The following SPIDR variants were observed in gnomAD, a reference collection of about 807,000 sequenced individuals.
The protein encoded by SPIDR is DNA repair-scaffolding protein.
In SPIDR, 93 loss-of-function variants were observed where a neutral mutation model predicts 104.6. The observed-to-expected ratio is 0.89, with a 90% CI of 0.75 to 1.06. The LOEUF (loss-of-function observed/expected upper bound fraction) is 1.06. Ranked by LOEUF, SPIDR falls within the 50% of genes least tolerant of loss-of-function variation. The probability of loss-of-function intolerance (pLI) is 0.00; values close to 1 mark genes in which losing one functional copy is unlikely to be tolerated. For missense variants in SPIDR, 1,154 were observed against 1,111.2 expected (o/e 1.04, Z -0.55); for synonymous variants, 431 against 416.9 (o/e 1.03, Z -0.41).
chr8:47,603,003 CACTAAAATCAAAGGTA>C (rs1236636209), intron 10 of SPIDR, among the ~76,000 whole-genome samples: 6 of 152,166 alleles, frequency 3.9e-5, no homozygotes, highest in Non-Finnish European at 8.8e-5. Flanking sequence ...TTTTATAAAT[CACTAAAATCAAAGGTA>C]ACAAAAAACT....
At chr8:47,642,201 A>G (rs1353062477) in intron 10 of SPIDR, among the ~76,000 whole-genome samples, 2 of 151,936 alleles carry the variant, frequency 1.3e-5, no homozygotes, top group African/African-American at 4.8e-5. Context: ...AGGCAGGCGG[A>G]TCACGAAGTA....
intron 5 of SPIDR, among the ~76,000 whole-genome samples, chr8:47,316,830 T>G (rs782109348): frequency 6.6e-6 from 1 of 152,214 alleles, no homozygotes; most frequent in African/African-American, 2.4e-5. Context: ...TTATTGTATA[T>G]AAAACCTACT....
chr8:47,360,930 C>T (rs782079634), intron 5 of SPIDR: 201 of 985,110 alleles, frequency 2.0e-4, no homozygotes, highest in Admixed American at 6.2e-4. Flanking sequence ...TTGATTCAAC[C>T]AGTACTTCTG....
At chr8:47,613,772 G>T (rs2063901132) in intron 10 of SPIDR, among the ~76,000 whole-genome samples, 1 of 151,960 alleles carries the variant, frequency 6.6e-6, no homozygotes, top group Non-Finnish European at 1.5e-5. Context: ...TTGTCCATTT[G>T]CATATCTACT....
At chr8:47,504,361 T>C (rs888673156) in intron 8 of SPIDR, among the ~76,000 whole-genome samples, 1 of 152,182 alleles carries the variant, frequency 6.6e-6, no homozygotes, top group African/African-American at 2.4e-5. Context: ...TCTAAACTTC[T>C]CTTCTCACTT....
At chr8:47,298,249 A>T (rs1226526727) in intron 5 of SPIDR, among the ~76,000 whole-genome samples, 1 of 152,196 alleles carries the variant, frequency 6.6e-6, no homozygotes, top group Non-Finnish European at 1.5e-5. Flanking sequence ...GGCGGTATAA[A>T]TGTCTTCTTT....
chr8:47,546,635 G>T lies in SPIDR; in HGVS notation c.1098-49176G>T, dbSNP rs540187956. On this transcript the variant is annotated intron_variant, in intron 8 of 19. Transcript: ENST00000297423. ...ATCTATTATTTCCTTTTCTCAGCTT[G>T]CTGTGGGTTTATTTTGCTCTTGTTT... 7.9e-5 allele frequency among the ~76,000 whole-genome samples: 12 copies of T among 152,092 alleles called. 1 individual carries two copies. The South Asian group carries it at 2.5e-3, about 32-fold the overall frequency.
chr8:47,461,707 G>T (rs1434534400), intron 8 of SPIDR, among the ~76,000 whole-genome samples: 1 of 151,760 alleles, frequency 6.6e-6, no homozygotes, highest in African/African-American at 2.4e-5. Flanking sequence ...TGCTTGTTCA[G>T]TTTTATTGCT....
At chr8:47,581,922 G>A (rs1760505182) in intron 8 of SPIDR, among the ~76,000 whole-genome samples, 1 of 151,840 alleles carries the variant, frequency 6.6e-6, no homozygotes, top group African/African-American at 2.4e-5. Context: ...TTATGATTTG[G>A]AATAAATACT....
intron 1 of SPIDR, among the ~76,000 whole-genome samples, chr8:47,262,234 C>G (rs2032620120): frequency 6.6e-6 from 1 of 152,174 alleles, no homozygotes; most frequent in African/African-American, 2.4e-5. Flanking sequence ...CCTCCAGGCC[C>G]TAACAGTTTC....
intron 10 of SPIDR, among the ~76,000 whole-genome samples, chr8:47,644,644 T>C (rs1451971408): frequency 2.6e-5 from 4 of 152,236 alleles, no homozygotes; most frequent in Non-Finnish European, 5.9e-5. Flanking sequence ...TATCTCCTTA[T>C]GTGATTGATA....
At chr8:47,579,423 T>C (rs1284542009) in intron 8 of SPIDR, among the ~76,000 whole-genome samples, 1 of 152,242 alleles carries the variant, frequency 6.6e-6, no homozygotes, top group Non-Finnish European at 1.5e-5. Context: ...TTTTTTGTGC[T>C]GTCCACTATG....
chr8:47,733,622 C>T (rs540407568), intron 19 of SPIDR, among the ~76,000 whole-genome samples: 28 of 152,136 alleles, frequency 1.8e-4, no homozygotes, highest in Middle Eastern at 6.8e-3. Context: ...CCTCCCCGTG[C>T]GGTGACCCTG....
chr8:47,331,989 C>CTTTTTTTTTTTTTTTTTTTTTTTTTTTT (rs1289524835), intron 5 of SPIDR, among the ~76,000 whole-genome samples: 4 of 36,324 alleles, frequency 1.1e-4, no homozygotes, highest in Admixed American at 3.8e-4. Context: ...TTTTTTTTCT[C>CTTTTTTTTTTTTTTTTTTTTTTTTTTTT]TTTTTTTTTT....
intron 8 of SPIDR, among the ~76,000 whole-genome samples, chr8:47,563,864 G>A (rs1284093374): frequency 1.3e-5 from 2 of 152,110 alleles, no homozygotes; most frequent in East Asian, 1.9e-4. Context: ...CTTGTTGGAA[G>A]TAAGAGAGAG....
chr8:47,470,044 A>G (rs1283138382), intron 8 of SPIDR, among the ~76,000 whole-genome samples: 1 of 152,232 alleles, frequency 6.6e-6, no homozygotes, highest in Admixed American at 6.5e-5. Context: ...ATTTTTGTAG[A>G]AAATCTATTC....
At chr8:47,670,990 C>A (rs1326600361) in intron 10 of SPIDR, among the ~76,000 whole-genome samples, 1 of 152,062 alleles carries the variant, frequency 6.6e-6, no homozygotes, top group Non-Finnish European at 1.5e-5. Flanking sequence ...CTCATTGCAA[C>A]CCTCAAACTC....
In SPIDR at chr8:47,440,238, A is replaced by G. The variant is rs551751448; in HGVS notation, c.878-85A>G. The G allele has an allele frequency of 6.5e-5, 80 of 1,227,030 alleles. No individual in the cohort carries two copies. In the African/African-American group the frequency reaches 8.9e-4, roughly 14 times the overall value. 76.0% of individuals were successfully genotyped at this position (1,227,030 alleles called of 1,614,324 possible). ...GGTGAAGAGTGCTATCTGCATGTGGATCTTTTTTTCATGACACTTTATTCA... is the reference window on the plus strand; with the variant it reads ...GGTGAAGAGTGCTATCTGCATGTGGGTCTTTTTTTCATGACACTTTATTCA... On this transcript the variant is annotated intron_variant, in intron 7 of 19. Transcript: ENST00000297423.
In SPIDR at chr8:47,393,001, CTCT is replaced by C. The variant is rs1346877251; in HGVS notation, c.526-3369_526-3367del. On this transcript the variant is annotated intron_variant, in intron 5 of 19. Transcript: ENST00000297423. ...TTTCCAAGGTTCCAATTTGGACCTTCTCTTCTTCCTTTCACATAATTTTCCATA... is the reference window on the plus strand; with the variant it reads ...TTTCCAAGGTTCCAATTTGGACCTTCTCTTCCTTTCACATAATTTTCCATA... 6.6e-4 allele frequency among the ~76,000 whole-genome samples: 101 copies of C among 152,256 alleles called. 1 individual carries two copies. Among genetic ancestry groups the C allele is most frequent in the African/African-American group, 2.3e-3 (97 of 41,568 alleles).
Sources: gnomAD v4.1 joint callset for allele counts (sites outside exome capture counted in the v4.1 genomes callset) on GRCh38, gnomAD v4.1.1 for gene constraint, MANE v1.5 for transcripts, NCBI Gene and HGNC (gene_info 2026-07-23, HGNC 2026-07-21) for gene names.